Variants in PELO observed in about 807,000 individuals in gnomAD.
PELO encodes pelota mRNA surveillance and ribosome rescue factor, also known as protein pelota homolog.
In PELO, 19 loss-of-function variants were observed where a neutral mutation model predicts 25.9. The observed-to-expected ratio is 0.73, with a 90% CI of 0.51 to 1.08. The LOEUF is 1.08. PELO is among the 50% of genes least tolerant of loss of function. The probability of loss-of-function intolerance (pLI) is 0.00; values close to 1 mark genes in which losing one functional copy is unlikely to be tolerated. For synonymous variants in PELO, 196 were observed against 192.2 expected (o/e 1.02, Z -0.16); for missense variants, 498 against 491.4 (o/e 1.01, Z -0.13).
Position 52,800,490 on chromosome 5 carries a change from C to T in PELO, c.96C>T (p.Leu32=), listed in dbSNP as rs1580027827. 29 of 1,614,084 alleles carry T rather than the reference C, an allele frequency of 1.8e-5. No individual in the cohort carries two copies. Among genetic ancestry groups the T allele is most frequent in the Non-Finnish European group, 2.5e-5 (29 of 1,180,024 alleles). Residue 32 remains leucine, a synonymous_variant, in exon 2 of 3, where the codon CTC becomes CTT. Transcript: ENST00000274311. Reference sequence around the variant, plus strand: ...AGGACATGTGGCACACTTACAACCTCGTGCAGGTGGGCGACAGCCTGCGCG... The same window carrying T: ...AGGACATGTGGCACACTTACAACCTTGTGCAGGTGGGCGACAGCCTGCGCG... ...EPEDMWHTYN[L]VQVGDSLRAS... is the part of the protein sequence containing the mutation.
At position 52,800,244 on chromosome 5, in the gene PELO, C is replaced by G; in HGVS notation, c.-151C>G. 6.9e-6 allele frequency: 5 copies of G among 720,106 alleles called. No individual in the cohort carries two copies. In the South Asian group the frequency reaches 9.0e-5, roughly 13 times the overall value. The allele number at this position is 720,106 out of a possible 1,614,324, so 44.6% of individuals were successfully genotyped here. A position where few individuals can be genotyped will look rare whatever the true frequency, so the allele number is the denominator to read the frequency against. On this transcript the variant is annotated 5_prime_UTR_variant, in exon 2 of 3. Transcript: ENST00000274311. ...AAGTGCTGCCCTAGGCTGCATGAGT[C>G]GAAGCAAGCGTGTTTCCTTCCCGCC...
intron 1 of PELO, among the ~76,000 whole-genome samples, chr5:52,798,288 G>A (rs926328009): frequency 6.6e-6 from 1 of 152,118 alleles, no homozygotes; most frequent in Non-Finnish European, 1.5e-5. Flanking sequence ...GAAGTAAGGG[G>A]AGACATAGAG....
chr5:52,800,089 C>A lies in PELO; in HGVS notation c.-306C>A. The A allele has an allele frequency of 2.8e-6, 1 of 361,658 alleles. No individual in the cohort carries two copies. Among genetic ancestry groups the A allele is most frequent in the Non-Finnish European group, 5.1e-6 (1 of 196,920 alleles). The allele number at this position is 361,658 out of a possible 1,614,324, so 22.4% of individuals were successfully genotyped here. Reference sequence around the variant, plus strand: ...GGTCGCGGGACGGGGGCTGCGCATGCGCCTTCATTTCGTCAGCCCGCTGTT... The same window carrying A: ...GGTCGCGGGACGGGGGCTGCGCATGAGCCTTCATTTCGTCAGCCCGCTGTT... On this transcript the variant is annotated 5_prime_UTR_variant, in exon 2 of 3. Coordinates refer to ENST00000274311, the MANE Select transcript of PELO (RefSeq NM_015946.5).
chr5:52,788,768 G>A (rs1406053548), intron 1 of PELO, among the ~76,000 whole-genome samples: 3 of 152,096 alleles, frequency 2.0e-5, no homozygotes, highest in African/African-American at 7.2e-5. Flanking sequence ...TTTATGGCAT[G>A]GGATGGGAGG....
Position 52,800,488 on chromosome 5 carries a change from C to G in PELO, c.94C>G (p.Leu32Val). 1 of 1,614,110 alleles carries G rather than the reference C, an allele frequency of 6.2e-7. No individual in the cohort carries two copies. Among genetic ancestry groups the G allele is most frequent in the Non-Finnish European group, 8.5e-7 (1 of 1,180,030 alleles). Reference protein sequence around the residue: ...EPEDMWHTYNLVQVGDSLRAS... With the variant: ...EPEDMWHTYNVVQVGDSLRAS... ...TGAGGACATGTGGCACACTTACAAC[C>G]TCGTGCAGGTGGGCGACAGCCTGCG... Residue 32 changes from leucine (L) to valine (V), a missense_variant, in exon 2 of 3, where the codon CTC becomes GTC. Physicochemically the swap from Leu to Val is conservative, Grantham distance 32. Transcript: ENST00000274311.
chr5:52,803,327 AG>A lies in PELO; in HGVS notation c.*1488del, dbSNP rs1748526175. On this transcript the variant is annotated 3_prime_UTR_variant, in exon 3 of 3. Coordinates refer to ENST00000274311, the MANE Select transcript of PELO (RefSeq NM_015946.5). ...ATTGTCATTTCATTATAATTCCGTGAGTATCTTTAAATTACTATCAAATATG... is the reference window on the plus strand; with the variant it reads ...ATTGTCATTTCATTATAATTCCGTGATATCTTTAAATTACTATCAAATATG... 3.8e-5 allele frequency: 3 copies of A among 79,314 alleles called. No homozygotes were observed. The Admixed American group carries it at 5.0e-4, about 13-fold the overall frequency. 4.9% of individuals were successfully genotyped at this position (79,314 alleles called of 1,614,324 possible). A position where few individuals can be genotyped will look rare whatever the true frequency, so the allele number is the denominator to read the frequency against.
intron 1 of PELO, among the ~76,000 whole-genome samples, chr5:52,791,597 T>G (rs575975963): frequency 6.6e-6 from 1 of 152,168 alleles, no homozygotes; most frequent in Admixed American, 6.5e-5. Flanking sequence ...AATAACAGAA[T>G]AGCTAGCACA....
In PELO at chr5:52,800,302, C is replaced by G. The variant is rs1312783170; in HGVS notation, c.-93C>G. The stretch of plus-strand genomic sequence containing the variant: ...TGCCCTTAGAAACCGGGCCCCGCCC[C>G]CTTCCTGGCCTGCATTCCCATCCCC... On this transcript the variant is annotated 5_prime_UTR_variant, in exon 2 of 3. Transcript: ENST00000274311. The G allele has an allele frequency of 1.4e-6, 2 of 1,429,508 alleles. No homozygotes were observed. Among genetic ancestry groups the G allele is most frequent in the East Asian group, 2.3e-5 (1 of 43,770 alleles). 88.6% of individuals were successfully genotyped at this position (1,429,508 alleles called of 1,614,324 possible).
At chr5:52,789,591 T>G (rs1748199912) in intron 1 of PELO, among the ~76,000 whole-genome samples, 1 of 152,184 alleles carries the variant, frequency 6.6e-6, no homozygotes, top group Admixed American at 6.5e-5. Context: ...CATTTCCCAC[T>G]ACTCAGGAAA....
Position 52,801,434 on chromosome 5 carries a change from A to G in PELO, c.752A>G (p.Tyr251Cys). Residue 251 changes from tyrosine to cysteine, a missense_variant, in exon 3 of 3, where the codon TAC becomes TGC. Physicochemically the swap from Tyr to Cys is radical, Grantham distance 194. Transcript: ENST00000274311. ...GTACATGCCTCCTCCGGACACAAGT[A>G]CTCCCTGAAAGAGGCCCTTTGTGAC... ...LQVHASSGHK[Y>C]SLKEALCDPT... 3 of 1,613,664 alleles carry G rather than the reference A, an allele frequency of 1.9e-6. No individual in the cohort carries two copies. Among genetic ancestry groups the G allele is most frequent in the Non-Finnish European group, 2.5e-6 (3 of 1,179,732 alleles).
At position 52,788,558 on chromosome 5, in the gene PELO, A is replaced by C. The variant is rs1041237622; in HGVS notation, c.-511+144A>C. On this transcript the variant is annotated intron_variant, in intron 1 of 2. Coordinates refer to ENST00000274311, the MANE Select transcript of PELO (RefSeq NM_015946.5). ...GCATTCCAGGTACTCAGGCCAGGCT[A>C]CGGGGCAGGCAGGAGTTTCGCGTTC... is the stretch of plus-strand genomic sequence containing the variant. 1.6e-5 allele frequency: 10 copies of C among 617,206 alleles called. No individual in the cohort carries two copies. The African/African-American group carries it at 1.9e-4, about 12-fold the overall frequency. The allele number at this position is 617,206 out of a possible 1,614,324, so 38.2% of individuals were successfully genotyped here.
chr5:52,798,615 G>A (rs1219043487), intron 1 of PELO, among the ~76,000 whole-genome samples: 1 of 152,152 alleles, frequency 6.6e-6, no homozygotes, highest in African/African-American at 2.4e-5. Flanking sequence ...ATGTGAGAGG[G>A]TAGCAGGGGG....
chr5:52,796,111 A>C (rs1561209986), intron 1 of PELO, among the ~76,000 whole-genome samples: 1 of 152,024 alleles, frequency 6.6e-6, no homozygotes, highest in Non-Finnish European at 1.5e-5. Flanking sequence ...TTAGAAATTT[A>C]ATTATTGAAT....
chr5:52,798,515 G>A (rs1019352455), intron 1 of PELO, among the ~76,000 whole-genome samples: 1 of 152,170 alleles, frequency 6.6e-6, no homozygotes, highest in Non-Finnish European at 1.5e-5. Flanking sequence ...ACGTGCGCGG[G>A]GAAGACAGGT....
chr5:52,801,420 C>T lies in PELO; in HGVS notation c.738C>T (p.Ser246=), dbSNP rs145721878. The change falls in exon 3 of 3, where the codon TCC becomes TCT. Residue 246 remains serine (S), a synonymous_variant. Coordinates refer to ENST00000274311, the MANE Select transcript of PELO (RefSeq NM_015946.5). The part of the protein sequence containing the change: ...NRSKFLQVHA[S]SGHKYSLKEA... ...AATTGTGATTCTAGGTACATGCCTC[C>T]TCCGGACACAAGTACTCCCTGAAAG... The T allele has an allele frequency of 8.7e-6, 14 of 1,612,274 alleles. No homozygotes were observed. Among genetic ancestry groups the T allele is most frequent in the Non-Finnish European group, 1.1e-5 (13 of 1,178,864 alleles).
In PELO at chr5:52,802,680, A is replaced by T. The variant is rs188458182; in HGVS notation, c.*840A>T. ...TTAGTTCTTTGCGCCAAAACATGCTATATTATTTATTTATTTTTTTGCTTG... is the reference window on the plus strand; with the variant it reads ...TTAGTTCTTTGCGCCAAAACATGCTTTATTATTTATTTATTTTTTTGCTTG... On this transcript the variant is annotated 3_prime_UTR_variant, in exon 3 of 3. Transcript: ENST00000274311. 2.0e-5 allele frequency: 3 copies of T among 152,124 alleles called. No individual in the cohort carries two copies. The highest frequency in any genetic ancestry group is 4.4e-5 in the Non-Finnish European group (3 of 68,034). 9.4% of individuals were successfully genotyped at this position (152,124 alleles called of 1,614,324 possible). A position where few individuals can be genotyped will look rare whatever the true frequency, so the allele number is the denominator to read the frequency against.
chr5:52,796,489 C>G (rs968159085), intron 1 of PELO, among the ~76,000 whole-genome samples: 5 of 151,566 alleles, frequency 3.3e-5, no homozygotes, highest in African/African-American at 4.8e-5. Flanking sequence ...AGCTAAAAGC[C>G]CTGGTATTTT....
At chr5:52,793,974 A>C (rs1173432539) in intron 1 of PELO, among the ~76,000 whole-genome samples, 2 of 152,198 alleles carry the variant, frequency 1.3e-5, no homozygotes, top group South Asian at 2.1e-4. Context: ...ATTTTAATCA[A>C]AACTTTCCTA....
rs750439128 is a variant in PELO at position 52,800,170 on chromosome 5, G to A, written c.-225G>A. 66 of 575,280 alleles carry A rather than the reference G, an allele frequency of 1.1e-4. No individual in the cohort carries two copies. Among genetic ancestry groups the A allele is most frequent in the Non-Finnish European group, 1.8e-4 (58 of 321,630 alleles). The allele number at this position is 575,280 out of a possible 1,614,324, so 35.6% of individuals were successfully genotyped here. ...AGATTTTCGCTGCAGTGTTCCCCGA[G>A]CCTGTTAGACGCAGCGCGCCGGGAG... is the stretch of plus-strand genomic sequence containing the variant. On this transcript the variant is annotated 5_prime_UTR_variant, in exon 2 of 3. Coordinates refer to ENST00000274311, the MANE Select transcript of PELO (RefSeq NM_015946.5).
Sources: gnomAD v4.1 joint callset for allele counts (sites outside exome capture counted in the v4.1 genomes callset) on GRCh38, gnomAD v4.1.1 for gene constraint, MANE v1.5 for transcripts, NCBI Gene and HGNC (gene_info 2026-07-23, HGNC 2026-07-21) for gene names.